The following DEPDC5 variants were observed in gnomAD, a reference collection of about 807,000 sequenced individuals.
DEPDC5 encodes the protein DEP domain containing 5, GATOR1 subcomplex subunit.
In DEPDC5, 73 loss-of-function variants were observed where a neutral mutation model predicts 217.3. The ratio of observed to expected loss-of-function variants is 0.34; its 90% CI spans 0.28 to 0.41. The LOEUF is 0.41. DEPDC5 is among the 10% of genes least tolerant of loss of function. DEPDC5 has a pLI of 1.00. For synonymous variants in DEPDC5, 733 were observed against 756.7 expected, an observed-to-expected ratio of 0.97 and a Z score of 0.51; for missense variants, 1,675 against 2,070.1, an observed-to-expected ratio of 0.81 and a Z score of 3.70.
At chr22:31,870,872 G>A (rs1359071860) in intron 34 of DEPDC5, 128 bp downstream of exon 34, 6 of 1,054,100 alleles carry the variant, frequency 5.7e-6, no homozygotes, top group Non-Finnish European at 7.7e-6. Flanking sequence ...ATGCGACCCT[G>A]GGCAAGTTAG....
intron 38 of DEPDC5, among the ~76,000 whole-genome samples, chr22:31,892,163 A>G (rs540673599): frequency 3.3e-5 from 5 of 152,302 alleles, no homozygotes; most frequent in African/African-American, 1.2e-4. Flanking sequence ...TCACTGAAAT[A>G]AAAAGATCTG....
chr22:31,852,492 C>T (rs1336765544), intron 31 of DEPDC5, among the ~76,000 whole-genome samples: 1 of 152,078 alleles, frequency 6.6e-6, no homozygotes, highest in South Asian at 2.1e-4. Context: ...AGGCATGCGC[C>T]ACCACCCCAG....
At chr22:31,872,469 T>G (rs767630376) in intron 34 of DEPDC5, among the ~76,000 whole-genome samples, 2 of 152,176 alleles carry the variant, frequency 1.3e-5, no homozygotes, top group Non-Finnish European at 2.9e-5. Flanking sequence ...ATTTTTCACA[T>G]GGGGGCGCTG....
intron 31 of DEPDC5, among the ~76,000 whole-genome samples, chr22:31,850,227 C>T (rs1407865598): frequency 6.6e-6 from 1 of 151,528 alleles, no homozygotes; most frequent in Non-Finnish European, 1.5e-5. Flanking sequence ...ATATAATATA[C>T]ATTATATATA....
chr22:31,853,328 C>T (rs2092127054), intron 31 of DEPDC5: 1 of 152,172 alleles, frequency 6.6e-6, no homozygotes, highest in Non-Finnish European at 1.5e-5. Context: ...GTGAGATTCT[C>T]AGCCAACCCC....
rs962438393 is a variant in DEPDC5 at position 31,877,775 on chromosome 22, C to T, written c.3805+1510C>T. On this transcript the variant is annotated intron_variant, in intron 37 of 42. Coordinates refer to ENST00000651528, the MANE Select transcript of DEPDC5 (RefSeq NM_001242896.3). ...AAAAAAAAAAAAAAAAAAAAAAAAA[C>T]AGCAAAAACAGAAAACCAGACCAGC... 5.7e-4 allele frequency among the ~76,000 whole-genome samples: 63 copies of T among 109,822 alleles called. No homozygotes were observed. The East Asian group carries it at 0.015, about 26-fold the overall frequency. The allele number at this position is 109,822 out of a possible 152,430, so 72.0% of individuals were successfully genotyped here.
At chr22:31,836,865 C>T in intron 25 of DEPDC5, 107 bp from the exon 26 acceptor site, 2 of 1,078,394 alleles carry the variant, frequency 1.9e-6, no homozygotes, top group Non-Finnish European at 2.7e-6. Flanking sequence ...CCATCTTTCA[C>T]CCTGAACTTT....
intron 29 of DEPDC5, among the ~76,000 whole-genome samples, chr22:31,844,288 A>G (rs192064531): frequency 2.6e-5 from 4 of 152,134 alleles, no homozygotes; most frequent in African/African-American, 9.7e-5. Context: ...CTATAGTCCT[A>G]GCTACTCAGG....
intron 14 of DEPDC5, among the ~76,000 whole-genome samples, chr22:31,801,678 T>C (rs200594010): frequency 6.6e-6 from 1 of 152,178 alleles, no homozygotes; most frequent in Non-Finnish European, 1.5e-5. Flanking sequence ...CTGTCTCTGC[T>C]CTCTGTTCAG....
intron 31 of DEPDC5, among the ~76,000 whole-genome samples, chr22:31,849,416 A>G (rs1317125268): frequency 6.6e-6 from 1 of 152,118 alleles, no homozygotes; most frequent in Non-Finnish European, 1.5e-5. Flanking sequence ...AGGGGAAGCA[A>G]ACACGTGCTT....
chr22:31,807,210 T>C (rs965194999), intron 18 of DEPDC5, among the ~76,000 whole-genome samples: 1 of 152,138 alleles, frequency 6.6e-6, no homozygotes, highest in Admixed American at 6.5e-5. Context: ...TGAGAGCAAA[T>C]GTTTATGCTA....
intron 38 of DEPDC5, among the ~76,000 whole-genome samples, chr22:31,881,175 G>A (rs2093164550): frequency 6.6e-6 from 1 of 151,492 alleles, no homozygotes; most frequent in Non-Finnish European, 1.5e-5. Context: ...GGTGGCAGAC[G>A]CCTGTAATCC....
At chr22:31,836,893 C>T (rs2091039344) in intron 25 of DEPDC5, 79 bp from the exon 26 acceptor site, 1 of 1,004,104 alleles carries the variant, frequency 1.0e-6, no homozygotes, top group Non-Finnish European at 1.5e-6. Context: ...ACTCTTCCCT[C>T]CCCTTCCCTC....
chr22:31,788,667 G>A (rs1430623855), intron 10 of DEPDC5, among the ~76,000 whole-genome samples: 1 of 150,372 alleles, frequency 6.7e-6, no homozygotes, highest in African/African-American at 2.5e-5. Context: ...TCTGCCTCCC[G>A]GGTTCAAGCA....
intron 18 of DEPDC5, among the ~76,000 whole-genome samples, chr22:31,808,687 C>T (rs1400013725): frequency 2.0e-5 from 3 of 151,858 alleles, no homozygotes; most frequent in Non-Finnish European, 4.4e-5. Flanking sequence ...CCATCTTGGC[C>T]TCCCAAAGTG....
chr22:31,894,876 G>C (rs2093516961), intron 39 of DEPDC5: 1 of 151,572 alleles, frequency 6.6e-6, no homozygotes. Flanking sequence ...AAGAAGGCCG[G>C]GAGCAGTGGC....
rs2093774120 is a variant in DEPDC5, at chr22:31,907,554, A to AT, written c.*1063dup. 1 of 151,986 alleles carries AT rather than the reference A, an allele frequency of 6.6e-6. No individual in the cohort carries two copies. Among genetic ancestry groups the AT allele is most frequent in the Non-Finnish European group, 1.5e-5 (1 of 68,032 alleles). The allele number at this position is 151,986 out of a possible 1,614,324, so 9.4% of individuals were successfully genotyped here. A position where few individuals can be genotyped will look rare whatever the true frequency, so the allele number is the denominator to read the frequency against. ...AGGCACCTGCCACCATACCAGGCTA[A>AT]TTTTTTGTATTTTAAGTAGAGATGG... On this transcript the variant is annotated 3_prime_UTR_variant, in exon 43 of 43. Transcript: ENST00000651528.
rs756878843 is a variant in DEPDC5 at position 31,758,617 on chromosome 22, C to T, written c.130C>T (p.Pro44Ser). 3.7e-6 allele frequency: 6 copies of T among 1,613,918 alleles called. No homozygotes were observed. Among genetic ancestry groups the T allele is most frequent in the Non-Finnish European group, 5.1e-6 (6 of 1,179,952 alleles). ...TGGAGACATTGTAGAGATTGCACAC[C>T]CCAACGATGAATACAGGTGAGTGTC... Reference protein sequence around the residue: ...KLGDIVEIAHPNDEYSPLLLQ... With the variant: ...KLGDIVEIAHSNDEYSPLLLQ... The change falls in exon 3 of 43, where the codon CCC becomes TCC. Residue 44 changes from proline to serine, a missense_variant. Transcript: ENST00000651528.
At chr22:31,780,895 A>T (rs946587800) in intron 8 of DEPDC5, among the ~76,000 whole-genome samples, 73 of 152,142 alleles carry the variant, frequency 4.8e-4, no homozygotes, top group African/African-American at 1.7e-3. Flanking sequence ...GGTGGAGTGA[A>T]ATATTAGATA....
Sources: gnomAD v4.1 joint callset for allele counts (sites outside exome capture counted in the v4.1 genomes callset) on GRCh38, gnomAD v4.1.1 for gene constraint, MANE v1.5 for transcripts, NCBI Gene and HGNC (gene_info 2026-07-23, HGNC 2026-07-21) for gene names.